The following CDH18 variants were observed in gnomAD, a reference collection of about 807,000 sequenced individuals.
CDH18 encodes the protein cadherin 18.
A neutral mutation model predicts 67.9 loss-of-function variants in CDH18; 31 were observed. The observed-to-expected ratio is 0.46, with a 90% CI of 0.34 to 0.62. The LOEUF (loss-of-function observed/expected upper bound fraction) is 0.62. Ranked by LOEUF, CDH18 falls within the 20% of genes least tolerant of loss-of-function variation. The pLI, the probability that CDH18 is intolerant of heterozygous loss-of-function variation, is 0.01. For synonymous variants in CDH18, 362 were observed against 347.2 expected (o/e 1.04, Z -0.48); for missense variants, 890 against 975.5 (o/e 0.91, Z 1.17).
chr5:19,578,619 T>C (rs573632269), intron 7 of CDH18, among the ~76,000 whole-genome samples: 1 of 152,148 alleles, frequency 6.6e-6, no homozygotes, highest in South Asian at 2.1e-4. Context: ...CCTTTTCTTA[T>C]TTTATTCTCC....
At chr5:20,560,468 TACACACACACACACACACAC>T (rs547246325) in intron 1 of CDH18, among the ~76,000 whole-genome samples, 2 of 127,604 alleles carry the variant, frequency 1.6e-5, no homozygotes, top group African/African-American at 5.8e-5. Flanking sequence ...CCAACACTCA[TACACACACACACACACACAC>T]ACACACACAC....
chr5:19,591,649 G>C (rs1024153834), intron 6 of CDH18, among the ~76,000 whole-genome samples: 5 of 151,944 alleles, frequency 3.3e-5, no homozygotes, highest in Non-Finnish European at 7.4e-5. Context: ...GAAACAAAAA[G>C]TATGGAAATA....
At chr5:20,524,157 C>A (rs1199393809) in intron 1 of CDH18, among the ~76,000 whole-genome samples, 3 of 152,122 alleles carry the variant, frequency 2.0e-5, no homozygotes, top group Non-Finnish European at 2.9e-5. Flanking sequence ...ACTAAAGCAC[C>A]ACTCACTACA....
At chr5:19,968,758 A>T (rs1360346263) in intron 2 of CDH18, among the ~76,000 whole-genome samples, 1 of 144,186 alleles carries the variant, frequency 6.9e-6, no homozygotes, top group Admixed American at 6.7e-5. Context: ...AAACCTAGGC[A>T]TTACCATTCA....
intron 4 of CDH18, among the ~76,000 whole-genome samples, chr5:19,746,410 C>T (rs537735953): frequency 6.6e-6 from 1 of 152,108 alleles, no homozygotes; most frequent in East Asian, 1.9e-4. Flanking sequence ...CTTCACGGGG[C>T]TGTCATATAT....
intron 2 of CDH18, among the ~76,000 whole-genome samples, chr5:20,061,495 A>G (rs910135133): frequency 6.6e-6 from 1 of 152,158 alleles, no homozygotes; most frequent in African/African-American, 2.4e-5. Flanking sequence ...ATGTATAAAT[A>G]ATTAGATTTA....
At chr5:20,268,958 T>G (rs1046574247) in intron 1 of CDH18, among the ~76,000 whole-genome samples, 1 of 152,048 alleles carries the variant, frequency 6.6e-6, no homozygotes, top group Non-Finnish European at 1.5e-5. Flanking sequence ...TGGGAGAAAA[T>G]ATTTGCAAAC....
At chr5:20,492,837 A>G (rs1432378790) in intron 1 of CDH18, among the ~76,000 whole-genome samples, 2 of 152,186 alleles carry the variant, frequency 1.3e-5, no homozygotes, top group South Asian at 4.1e-4. Flanking sequence ...TAACACACAC[A>G]TGCCTTGATG....
intron 1 of CDH18, among the ~76,000 whole-genome samples, chr5:20,313,444 G>GT (rs1737176415): frequency 6.6e-6 from 1 of 151,784 alleles, no homozygotes; most frequent in African/African-American, 2.4e-5. Flanking sequence ...TATTGTTTAT[G>GT]TTTTTTTCTC....
At chr5:20,004,134 T>G (rs1333189158) in intron 2 of CDH18, among the ~76,000 whole-genome samples, 1 of 152,198 alleles carries the variant, frequency 6.6e-6, no homozygotes, top group African/African-American at 2.4e-5. Context: ...ATCTCTCATT[T>G]AGTTTTCTAA....
intron 1 of CDH18, among the ~76,000 whole-genome samples, chr5:20,417,978 G>A (rs1180099676): frequency 1.3e-5 from 2 of 152,124 alleles, no homozygotes; most frequent in East Asian, 3.9e-4. Context: ...CCTATGAGGA[G>A]GATTATAGTT....
intron 2 of CDH18, among the ~76,000 whole-genome samples, chr5:20,133,926 C>T (rs1749482443): frequency 6.6e-6 from 1 of 152,142 alleles, no homozygotes; most frequent in South Asian, 2.1e-4. Context: ...TCCATCTGCT[C>T]ATCACATTAT....
intron 10 of CDH18, among the ~76,000 whole-genome samples, chr5:19,516,182 C>T (rs897115126): frequency 6.7e-4 from 102 of 152,266 alleles, no homozygotes; most frequent in African/African-American, 2.3e-3. Context: ...ACCAGCCTTG[C>T]ATCCCAGGGA....
intron 1 of CDH18, among the ~76,000 whole-genome samples, chr5:20,307,706 G>A (rs561901130): frequency 1.1e-3 from 163 of 152,230 alleles, no homozygotes; most frequent in African/African-American, 3.6e-3. Context: ...TTCAGATTAA[G>A]CATCAATATC....
intron 10 of CDH18, among the ~76,000 whole-genome samples, chr5:19,507,455 C>T (rs1349267808): frequency 5.3e-5 from 8 of 152,042 alleles, no homozygotes; most frequent in East Asian, 1.9e-4. Flanking sequence ...CACATGCACA[C>T]GTATGTTTAT....
At chr5:19,756,497 C>T (rs1771618701) in intron 3 of CDH18, among the ~76,000 whole-genome samples, 1 of 152,134 alleles carries the variant, frequency 6.6e-6, no homozygotes, top group South Asian at 2.1e-4. Flanking sequence ...TTGTAGTTTC[C>T]ATTAACCTTA....
chr5:20,501,598 A>ATG (rs1177288797), intron 1 of CDH18, among the ~76,000 whole-genome samples: 613 of 60,392 alleles, frequency 0.01, 11 homozygotes, highest in Non-Finnish European at 0.016. Context: ...TATATATTAT[A>ATG]TATATATATA....
At chr5:20,164,523 G>C (rs60615842) in intron 2 of CDH18, among the ~76,000 whole-genome samples, 3,770 of 38,100 alleles carry the variant, frequency 0.099, 173 homozygotes, top group African/African-American at 0.21. Flanking sequence ...GATCCGTCCA[G>C]GTCGGCCTCC....
intron 10 of CDH18, among the ~76,000 whole-genome samples, chr5:19,518,168 AAAT>A (rs1226753650): frequency 6.6e-6 from 1 of 152,114 alleles, no homozygotes; most frequent in African/African-American, 2.4e-5. Context: ...TAAGCATATA[AAAT>A]AATAATCTTA....
Sources: allele counts gnomAD v4.1 joint callset (sites outside exome capture counted in the v4.1 genomes callset), GRCh38; gene constraint gnomAD v4.1.1; transcripts MANE v1.5; gene names NCBI Gene and HGNC (gene_info 2026-07-23, HGNC 2026-07-21).